ZC3H8: variants seen among roughly 807,000 people sequenced by gnomAD.
ZC3H8 encodes the protein zinc finger CCCH-type containing 8.
A neutral mutation model predicts 42.5 loss-of-function variants in ZC3H8; 27 were observed. That is an observed-to-expected ratio of 0.64 (90% CI 0.47 to 0.88). The LOEUF is 0.88. ZC3H8 is among the 40% of genes least tolerant of loss of function. The probability of loss-of-function intolerance (pLI) is 0.00; values close to 1 mark genes in which losing one functional copy is unlikely to be tolerated. For synonymous variants in ZC3H8, 101 were observed against 110.1 expected, an observed-to-expected ratio of 0.92 and a Z score of 0.52; for missense variants, 277 against 336.1, an observed-to-expected ratio of 0.82 and a Z score of 1.37.
intron 8 of ZC3H8, among the ~76,000 whole-genome samples, chr2:112,229,027 A>G (rs72831649): frequency 0.11 from 16,339 of 152,262 alleles, 1,187 homozygotes; most frequent in Non-Finnish European, 0.16. Context: ...AAAAGCTATA[A>G]TCAAAATGAC....
chr2:112,239,322 G>C (rs554007924), intron 2 of ZC3H8, among the ~76,000 whole-genome samples: 1 of 152,140 alleles, frequency 6.6e-6, no homozygotes, highest in Non-Finnish European at 1.5e-5. Flanking sequence ...TAATTAGTAT[G>C]TATGACACAT....
intron 1 of ZC3H8, among the ~76,000 whole-genome samples, chr2:112,254,587 G>C (rs1002583245): frequency 6.6e-6 from 1 of 152,262 alleles, no homozygotes; most frequent in Admixed American, 6.5e-5. Flanking sequence ...GACCACAGAG[G>C]CGGGCTCCTC....
intron 2 of ZC3H8, among the ~76,000 whole-genome samples, chr2:112,247,638 T>C (rs182494522): frequency 1.3e-5 from 2 of 152,324 alleles, no homozygotes; most frequent in Non-Finnish European, 2.9e-5. Context: ...TGTATTCACC[T>C]TTTACATACT....
chr2:112,226,981 T>C (rs1021661070), intron 8 of ZC3H8, among the ~76,000 whole-genome samples: 2 of 152,188 alleles, frequency 1.3e-5, no homozygotes, highest in Admixed American at 6.5e-5. Context: ...CAGAAATCAT[T>C]TGATAAAACC....
intron 2 of ZC3H8, among the ~76,000 whole-genome samples, chr2:112,248,593 C>T (rs559835740): frequency 1.3e-4 from 19 of 151,880 alleles, no homozygotes; most frequent in African/African-American, 4.1e-4. Flanking sequence ...CGGGTTTAAG[C>T]GATTCTCCTG....
chr2:112,217,390 T>G (rs1266048581), intron 8 of ZC3H8, among the ~76,000 whole-genome samples: 1 of 151,942 alleles, frequency 6.6e-6, no homozygotes, highest in Non-Finnish European at 1.5e-5. Flanking sequence ...AAAAATAAAG[T>G]GATGGGCAAA....
chr2:112,254,704 G>A (rs1203515060), intron 1 of ZC3H8, among the ~76,000 whole-genome samples: 1 of 152,208 alleles, frequency 6.6e-6, no homozygotes, highest in African/African-American at 2.4e-5. Context: ...CTAAGCCTGA[G>A]CCCCGCGTTC....
At chr2:112,227,480 G>A (rs1026620835) in intron 8 of ZC3H8, among the ~76,000 whole-genome samples, 2 of 152,188 alleles carry the variant, frequency 1.3e-5, no homozygotes, top group African/African-American at 2.4e-5. Flanking sequence ...AACCGAGATC[G>A]CGCCATTTGC....
chr2:112,227,473 C>T (rs1684893678), intron 8 of ZC3H8, among the ~76,000 whole-genome samples: 1 of 152,172 alleles, frequency 6.6e-6, no homozygotes, highest in South Asian at 2.1e-4. Context: ...TGCAGTGAAC[C>T]GAGATCGCGC....
intron 8 of ZC3H8, among the ~76,000 whole-genome samples, chr2:112,230,396 T>C (rs1182963886): frequency 6.6e-6 from 1 of 152,214 alleles, no homozygotes; most frequent in Admixed American, 6.5e-5. Flanking sequence ...AGTATGTATA[T>C]GGATATTTAC....
intron 6 of ZC3H8, among the ~76,000 whole-genome samples, chr2:112,232,851 A>C (rs1388645716): frequency 3.9e-5 from 6 of 152,204 alleles, no homozygotes; most frequent in Admixed American, 2.0e-4. Flanking sequence ...CTATTCTGCA[A>C]ATTAAGGGAT....
At chr2:112,243,191 G>T (rs780413106) in intron 2 of ZC3H8, among the ~76,000 whole-genome samples, 2 of 152,232 alleles carry the variant, frequency 1.3e-5, no homozygotes, top group African/African-American at 2.4e-5. Context: ...ATTTGCAGCA[G>T]ATATATTTTG....
At chr2:112,253,431 GAA>G (rs1686025334) in intron 1 of ZC3H8, among the ~76,000 whole-genome samples, 1 of 152,168 alleles carries the variant, frequency 6.6e-6, no homozygotes, top group Admixed American at 6.5e-5. Flanking sequence ...AACCATATGA[GAA>G]AAGACTGATT....
chr2:112,240,778 C>CTAGCTATAAA (rs1250967215), intron 2 of ZC3H8, among the ~76,000 whole-genome samples: 2 of 152,154 alleles, frequency 1.3e-5, no homozygotes, highest in Non-Finnish European at 2.9e-5. Context: ...CTTCACTTAG[C>CTAGCTATAAA]TAGCTATAAA....
At chr2:112,225,662 C>A (rs1019979608) in intron 8 of ZC3H8, among the ~76,000 whole-genome samples, 5 of 152,060 alleles carry the variant, frequency 3.3e-5, no homozygotes, top group Non-Finnish European at 7.4e-5. Context: ...ACTAAAAATA[C>A]AAAAATTAGC....
intron 8 of ZC3H8, among the ~76,000 whole-genome samples, chr2:112,220,109 A>G (rs1684519609): frequency 6.6e-6 from 1 of 152,214 alleles, no homozygotes; most frequent in African/African-American, 2.4e-5. Context: ...TCAGCTTTCC[A>G]GTCTGTGCCT....
intron 2 of ZC3H8, among the ~76,000 whole-genome samples, chr2:112,243,455 G>A (rs1015168442): frequency 4.6e-5 from 7 of 152,090 alleles, no homozygotes; most frequent in African/African-American, 9.7e-5. Context: ...CATCTGTAGC[G>A]AAAAGACATT....
intron 8 of ZC3H8, among the ~76,000 whole-genome samples, chr2:112,225,222 C>T (rs76809300): frequency 0.016 from 2,491 of 151,940 alleles, 70 homozygotes; most frequent in African/African-American, 0.056. Flanking sequence ...GTTCTGTATA[C>T]CTCAAAATAG....
In ZC3H8 at chr2:112,213,392, C is replaced by T. The variant is rs1026605578; in HGVS notation, c.*3092G>A. On this transcript the variant is annotated 3_prime_UTR_variant, in exon 9 of 9. Transcript: ENST00000409573. ...AACAGGGGACAGTCATTTAACATCT[C>T]GGGGTCTGAATTCCTAAAGTTCTAC... The T allele has an allele frequency of 2.0e-5, 3 of 152,154 alleles. No individual in the cohort carries two copies. The highest frequency in any genetic ancestry group is 3.9e-4 in the East Asian group (2 of 5,180). 9.4% of individuals were successfully genotyped at this position (152,154 alleles called of 1,614,324 possible). A position where few individuals can be genotyped will look rare whatever the true frequency, so the allele number is the denominator to read the frequency against.
Sources: allele counts gnomAD v4.1 joint callset (sites outside exome capture counted in the v4.1 genomes callset), GRCh38; gene constraint gnomAD v4.1.1; transcripts MANE v1.5; gene names NCBI Gene and HGNC (gene_info 2026-07-23, HGNC 2026-07-21).